TMEM132C: variants seen among roughly 807,000 people sequenced by gnomAD.
The protein encoded by TMEM132C is transmembrane protein 132C.
TMEM132C carries 29 observed loss-of-function variants against 61.4 expected under a neutral mutation model. That is an observed-to-expected ratio of 0.47 (90% CI 0.35 to 0.64). The LOEUF (loss-of-function observed/expected upper bound fraction) is 0.64. Among genes scored for constraint, TMEM132C ranks in the 30% least tolerant of loss-of-function variants. The pLI is 0.00. For missense variants in TMEM132C, 1,408 were observed against 1,476.9 expected (o/e 0.95, Z 0.76); for synonymous variants, 656 against 633.1 (o/e 1.04, Z -0.54).
intron 4 of TMEM132C, among the ~76,000 whole-genome samples, chr12:128,624,349 C>T (rs1953993932): frequency 1.3e-5 from 2 of 152,024 alleles, no homozygotes; most frequent in African/African-American, 2.4e-5. Flanking sequence ...TTCAAGACCA[C>T]CCTGGCCAAG....
At chr12:128,663,924 G>C (rs1156801396) in intron 4 of TMEM132C, among the ~76,000 whole-genome samples, 1 of 131,336 alleles carries the variant, frequency 7.6e-6, no homozygotes, top group African/African-American at 3.0e-5. Flanking sequence ...ACACACACCT[G>C]CACGCACGCG....
intron 1 of TMEM132C, among the ~76,000 whole-genome samples, chr12:128,374,684 A>T (rs12824081): frequency 0.72 from 108,441 of 151,508 alleles, 42,626 homozygotes; most frequent in Non-Finnish European, 0.88. Flanking sequence ...GGAGCCCAAG[A>T]CAAATGACCA....
At chr12:128,430,995 T>C (rs1869365785) in intron 2 of TMEM132C, among the ~76,000 whole-genome samples, 2 of 152,200 alleles carry the variant, frequency 1.3e-5, no homozygotes, top group Admixed American at 6.5e-5. Context: ...TCTTTCACTT[T>C]CAGTCAAAAG....
intron 2 of TMEM132C, among the ~76,000 whole-genome samples, chr12:128,504,626 C>T (rs1220246639): frequency 6.6e-6 from 1 of 151,976 alleles, no homozygotes; most frequent in African/African-American, 2.4e-5. Flanking sequence ...CTTCACATGG[C>T]CTTTTCTCCA....
intron 8 of TMEM132C, among the ~76,000 whole-genome samples, chr12:128,700,604 C>A (rs1954797154): frequency 6.6e-6 from 1 of 152,122 alleles, no homozygotes. Flanking sequence ...AAGGCTGGCA[C>A]CTTGTTCATG....
At chr12:128,645,510 TCA>T (rs1954189468) in intron 4 of TMEM132C, among the ~76,000 whole-genome samples, 1 of 152,158 alleles carries the variant, frequency 6.6e-6, no homozygotes, top group South Asian at 2.1e-4. Flanking sequence ...GTTTCTATGG[TCA>T]CACCCCCAAA....
intron 3 of TMEM132C, among the ~76,000 whole-genome samples, chr12:128,593,419 A>G (rs1231577113): frequency 6.6e-6 from 1 of 151,496 alleles, no homozygotes; most frequent in Non-Finnish European, 1.5e-5. Flanking sequence ...GGTCCTTTCC[A>G]CTCTCCAGGC....
intron 2 of TMEM132C, among the ~76,000 whole-genome samples, chr12:128,425,765 G>C (rs75815995): frequency 0.094 from 14,347 of 152,146 alleles, 1,659 homozygotes; most frequent in African/African-American, 0.27. Flanking sequence ...CCCTGTCTTC[G>C]TGTGAATTTT....
At chr12:128,469,071 A>C (rs191126147) in intron 2 of TMEM132C, among the ~76,000 whole-genome samples, 167 of 152,266 alleles carry the variant, frequency 1.1e-3, no homozygotes, top group Non-Finnish European at 1.9e-3. Flanking sequence ...TTGAAGTTAC[A>C]TCAGACTTGT....
intron 3 of TMEM132C, among the ~76,000 whole-genome samples, chr12:128,586,631 TTC>T (rs1406726397): frequency 1.3e-5 from 2 of 151,896 alleles, no homozygotes; most frequent in East Asian, 1.9e-4. Context: ...CCTTGTTTTG[TTC>T]TCTCTCTCTC....
In TMEM132C at chr12:128,699,375, C is replaced by T. The variant is rs116736275; in HGVS notation, c.2121+1960C>T. The stretch of plus-strand genomic sequence containing the variant: ...GGTTGCCTGAGTTCTTACCAGGATG[C>T]TCTGAGGAAGAATCTGCTTCTAGAA... On this transcript the variant is annotated intron_variant, in intron 8 of 8. Transcript: ENST00000435159. 2.4e-3 allele frequency among the ~76,000 whole-genome samples: 363 copies of T among 152,290 alleles called. 2 individuals are homozygous for T. Among genetic ancestry groups the T allele is most frequent in the African/African-American group, 8.1e-3 (338 of 41,562 alleles).
At chr12:128,364,538 G>A (rs1433923978) in intron 1 of TMEM132C, among the ~76,000 whole-genome samples, 2 of 152,116 alleles carry the variant, frequency 1.3e-5, no homozygotes. Flanking sequence ...CCAAGAGAGG[G>A]GTCCTTTTCT....
intron 1 of TMEM132C, among the ~76,000 whole-genome samples, chr12:128,393,064 A>G (rs954891691): frequency 2.0e-5 from 3 of 152,248 alleles, no homozygotes; most frequent in African/African-American, 7.2e-5. Context: ...CTTGCAGAAC[A>G]AAAAGTCCTG....
intron 4 of TMEM132C, among the ~76,000 whole-genome samples, chr12:128,668,860 CT>C (rs34010365): frequency 1.4e-4 from 22 of 152,186 alleles, no homozygotes; most frequent in Admixed American, 5.2e-4. Flanking sequence ...CTCCTCTGAC[CT>C]TCATGGCTCC....
chr12:128,666,173 A>G (rs1003776997), intron 4 of TMEM132C, among the ~76,000 whole-genome samples: 18 of 149,316 alleles, frequency 1.2e-4, no homozygotes, highest in Non-Finnish European at 1.5e-5. Flanking sequence ...AAACACAGGC[A>G]CACACACACA....
Position 128,355,209 on chromosome 12 carries a change from A to C in TMEM132C, c.86-59523A>C, listed in dbSNP as rs61210130. ...GAGAGGCCTCCATTTTCACAGGGGC[A>C]CTGGGGGACACCAAGAGGATGAGCA... On this transcript the variant is annotated intron_variant, in intron 1 of 8. Transcript: ENST00000435159. 2.0e-5 allele frequency among the ~76,000 whole-genome samples: 3 copies of C among 152,268 alleles called. No individual in the cohort carries two copies. In the East Asian group the frequency reaches 5.8e-4, roughly 29 times the overall value.
chr12:128,479,529 G>T (rs745488174), intron 2 of TMEM132C, among the ~76,000 whole-genome samples: 4 of 152,226 alleles, frequency 2.6e-5, no homozygotes, highest in Admixed American at 6.5e-5. Context: ...AATTCACATT[G>T]CAGGGTCCAT....
At chr12:128,413,632 A>G (rs892504304) in intron 1 of TMEM132C, among the ~76,000 whole-genome samples, 14 of 151,202 alleles carry the variant, frequency 9.3e-5, no homozygotes, top group African/African-American at 3.4e-4. Flanking sequence ...AGTTGTAAAT[A>G]TATATATATA....
At chr12:128,368,252 T>A (rs1282132502) in intron 1 of TMEM132C, among the ~76,000 whole-genome samples, 1 of 152,234 alleles carries the variant, frequency 6.6e-6, no homozygotes, top group South Asian at 2.1e-4. Flanking sequence ...TCCCCGCTGC[T>A]CTGCTTTACA....
Sources: gnomAD v4.1 joint callset for allele counts (sites outside exome capture counted in the v4.1 genomes callset) on GRCh38, gnomAD v4.1.1 for gene constraint, MANE v1.5 for transcripts, NCBI Gene and HGNC (gene_info 2026-07-23, HGNC 2026-07-21) for gene names.